The following DPYD variants were observed in gnomAD, a reference collection of about 807,000 sequenced individuals.
DPYD encodes dihydropyrimidine dehydrogenase, also known as dihydropyrimidine dehydrogenase [NADP(+)].
DPYD carries 109 observed loss-of-function variants against 116.2 expected under a neutral mutation model. That is an observed-to-expected ratio of 0.94 (90% confidence interval 0.80 to 1.10). The LOEUF (loss-of-function observed/expected upper bound fraction) is 1.10. DPYD is among the 50% of genes least tolerant of loss of function. The probability of loss-of-function intolerance (pLI) is 0.00; values close to 1 mark genes in which losing one functional copy is unlikely to be tolerated. For missense variants in DPYD, 1,302 were observed against 1,254.5 expected (o/e 1.04, Z -0.57); for synonymous variants, 440 against 432.0 (o/e 1.02, Z -0.23).
At chr1:97,743,069 T>C (rs1234381292) in intron 3 of DPYD, among the ~76,000 whole-genome samples, 2 of 152,164 alleles carry the variant, frequency 1.3e-5, no homozygotes, top group Admixed American at 6.6e-5. Flanking sequence ...CAGAGAAATC[T>C]TATATTCAAC....
At chr1:97,483,360 T>C (rs183271041) in intron 13 of DPYD, among the ~76,000 whole-genome samples, 26 of 152,336 alleles carry the variant, frequency 1.7e-4, no homozygotes, top group Non-Finnish European at 3.4e-4. Flanking sequence ...GGTAAATGTA[T>C]TTATCTGCCC....
At chr1:97,377,812 T>C (rs1671723826) in intron 15 of DPYD, among the ~76,000 whole-genome samples, 1 of 152,100 alleles carries the variant, frequency 6.6e-6, no homozygotes, top group African/African-American at 2.4e-5. Context: ...GAGGGCCCAG[T>C]GTGGGATGTC....
At chr1:97,437,630 C>A (rs1030609932) in intron 14 of DPYD, among the ~76,000 whole-genome samples, 5 of 151,736 alleles carry the variant, frequency 3.3e-5, no homozygotes, top group Admixed American at 6.6e-5. Context: ...AAAATAAACC[C>A]ACCAAAGTAC....
At chr1:97,619,969 G>T (rs1302957994) in intron 8 of DPYD, among the ~76,000 whole-genome samples, 1 of 151,452 alleles carries the variant, frequency 6.6e-6, no homozygotes, top group Non-Finnish European at 1.5e-5. Flanking sequence ...GCTGAAAGCT[G>T]TAAGAACCGT....
chr1:97,542,178 C>A (rs1031446353), intron 12 of DPYD, among the ~76,000 whole-genome samples: 1 of 152,096 alleles, frequency 6.6e-6, no homozygotes, highest in Non-Finnish European at 1.5e-5. Context: ...AATTACTGAA[C>A]TTTCTCTCTC....
intron 20 of DPYD, among the ~76,000 whole-genome samples, chr1:97,164,111 G>A (rs1656127634): frequency 6.6e-6 from 1 of 152,104 alleles, no homozygotes; most frequent in Non-Finnish European, 1.5e-5. Context: ...GGGGTGCAAG[G>A]TTGTTTCAAC....
chr1:97,364,171 T>C (rs74344183), intron 16 of DPYD, among the ~76,000 whole-genome samples: 15,343 of 152,228 alleles, frequency 0.1, 842 homozygotes, highest in East Asian at 0.19. Flanking sequence ...GCCTGCCATG[T>C]TGTTTACAGT....
At chr1:97,869,379 A>C (rs1326587678) in intron 2 of DPYD, among the ~76,000 whole-genome samples, 2 of 151,850 alleles carry the variant, frequency 1.3e-5, no homozygotes, top group Non-Finnish European at 2.9e-5. Flanking sequence ...AGAATCCTAT[A>C]AATAAGAAAT....
At chr1:97,915,844 T>C (rs530203909) in intron 1 of DPYD, among the ~76,000 whole-genome samples, 57 of 152,360 alleles carry the variant, frequency 3.7e-4, no homozygotes, top group Admixed American at 9.1e-4. Context: ...TTTAGCTGTA[T>C]TGAAGCCTGG....
chr1:97,816,828 A>G (rs1010893389), intron 3 of DPYD, among the ~76,000 whole-genome samples: 1 of 152,154 alleles, frequency 6.6e-6, no homozygotes, highest in African/African-American at 2.4e-5. Flanking sequence ...TGACTTATTC[A>G]ATTTCAAAGA....
intron 10 of DPYD, among the ~76,000 whole-genome samples, chr1:97,578,754 GA>G (rs1339482197): frequency 2.0e-5 from 3 of 152,184 alleles, no homozygotes; most frequent in Non-Finnish European, 4.4e-5. Context: ...TTTGTGGGAA[GA>G]GGAGACTCAA....
intron 13 of DPYD, among the ~76,000 whole-genome samples, chr1:97,489,221 A>C (rs1678830680): frequency 6.6e-6 from 1 of 152,236 alleles, no homozygotes; most frequent in East Asian, 1.9e-4. Context: ...ACGGAACCAC[A>C]GAATTTTTGG....
intron 16 of DPYD, among the ~76,000 whole-genome samples, chr1:97,363,367 G>C (rs577596294): frequency 6.6e-6 from 1 of 152,302 alleles, no homozygotes; most frequent in East Asian, 1.9e-4. Context: ...CTGTAAACTA[G>C]TTCAATCATT....
intron 18 of DPYD, among the ~76,000 whole-genome samples, chr1:97,302,397 T>C (rs1194791948): frequency 6.6e-6 from 1 of 151,996 alleles, no homozygotes; most frequent in East Asian, 1.9e-4. Flanking sequence ...ATGATGTATT[T>C]CTCCCATAAT....
At chr1:97,138,343 A>G (rs962999668) in intron 20 of DPYD, among the ~76,000 whole-genome samples, 54 of 152,262 alleles carry the variant, frequency 3.5e-4, no homozygotes, top group African/African-American at 1.3e-3. Flanking sequence ...AGGGGAGACA[A>G]ACAATGTTGT....
chr1:97,491,597 T>C (rs1025556002), intron 13 of DPYD, among the ~76,000 whole-genome samples: 5 of 152,072 alleles, frequency 3.3e-5, no homozygotes, highest in African/African-American at 1.2e-4. Context: ...GGAAGAATGC[T>C]GGCTTCCTTA....
intron 16 of DPYD, among the ~76,000 whole-genome samples, chr1:97,318,400 T>C (rs1453752672): frequency 2.9e-5 from 4 of 139,762 alleles, no homozygotes; most frequent in South Asian, 2.4e-4. Flanking sequence ...ACCAAGCAAA[T>C]GGAAAAGAAA....
intron 19 of DPYD, among the ~76,000 whole-genome samples, chr1:97,197,381 C>T (rs1658889949): frequency 6.6e-6 from 1 of 152,076 alleles, no homozygotes; most frequent in African/African-American, 2.4e-5. Context: ...TATGGGTATA[C>T]TTTACTATAG....
In DPYD at chr1:97,767,755, CTTT is replaced by C. The variant is rs34390188; in HGVS notation, c.234-27279_234-27277del. Among the ~76,000 whole-genome samples, 263 of 112,426 alleles carry C rather than the reference CTTT, an allele frequency of 2.3e-3. 1 individual carries two copies. The highest frequency in any genetic ancestry group is 7.1e-3 in the African/African-American group (219 of 30,712). 73.8% of individuals were successfully genotyped at this position (112,426 alleles called of 152,430 possible). A position where few individuals can be genotyped will look rare whatever the true frequency, so the allele number is the denominator to read the frequency against. On this transcript the variant is annotated intron_variant, in intron 3 of 22. Coordinates refer to ENST00000370192, the MANE Select transcript of DPYD (RefSeq NM_000110.4). ...TTGAAGCCACTGAGTTTGGGGCTGG[CTTT>C]TTTTTTTTTTTTTTTTTGCAGCAGT... is the stretch of plus-strand genomic sequence containing the variant.
Sources: gnomAD v4.1 joint callset for allele counts (sites outside exome capture counted in the v4.1 genomes callset) on GRCh38, gnomAD v4.1.1 for gene constraint, MANE v1.5 for transcripts, NCBI Gene and HGNC (gene_info 2026-07-23, HGNC 2026-07-21) for gene names.